Variants in TRIM9 observed in about 807,000 individuals in gnomAD.
TRIM9 encodes the protein tripartite motif containing 9, also known as E3 ubiquitin-protein ligase TRIM9.
In TRIM9, 26 loss-of-function variants were observed where a neutral mutation model predicts 78.3. That is an observed-to-expected ratio of 0.33 (90% CI 0.24 to 0.46). The LOEUF is 0.46. Among genes scored for constraint, TRIM9 ranks in the 20% least tolerant of loss-of-function variants. TRIM9 has a pLI of 1.00. For synonymous variants in TRIM9, 398 were observed against 416.5 expected (o/e 0.96, Z 0.54); for missense variants, 787 against 1,036.4 (o/e 0.76, Z 3.30).
intron 1 of TRIM9, among the ~76,000 whole-genome samples, chr14:51,038,164 T>C (rs8009664): frequency 0.12 from 17,880 of 152,130 alleles, 1,901 homozygotes; most frequent in African/African-American, 0.29. Flanking sequence ...CATGAGTCCT[T>C]AAAAGCAGAG....
intron 1 of TRIM9, among the ~76,000 whole-genome samples, chr14:51,055,055 CTCGTG>C (rs1302470248): frequency 3.3e-5 from 5 of 151,926 alleles, no homozygotes; most frequent in African/African-American, 1.2e-4. Flanking sequence ...TGATCTTGAC[CTCGTG>C]ATCCGTCCGC....
chr14:51,093,968 G>A (rs1252060454), intron 1 of TRIM9, 150 bp downstream of exon 1: 5 of 729,450 alleles, frequency 6.9e-6, no homozygotes, highest in Admixed American at 5.5e-5. Flanking sequence ...CATGCCTCCT[G>A]CAATGCACCA....
intron 1 of TRIM9, among the ~76,000 whole-genome samples, chr14:51,083,807 C>T (rs188099409): frequency 6.6e-6 from 1 of 152,256 alleles, no homozygotes; most frequent in African/African-American, 2.4e-5. Context: ...AAAATGTGAA[C>T]TTCTGACATT....
chr14:50,982,475 G>A (rs1444575110), intron 10 of TRIM9, among the ~76,000 whole-genome samples: 1 of 152,176 alleles, frequency 6.6e-6, no homozygotes, highest in East Asian at 1.9e-4. Flanking sequence ...TAACCCCTGA[G>A]GCGGGGAGGC....
At chr14:51,044,386 A>G (rs61985044) in intron 1 of TRIM9, among the ~76,000 whole-genome samples, 43,865 of 152,032 alleles carry the variant, frequency 0.29, 7,467 homozygotes, top group South Asian at 0.53. Context: ...GGCTAAAAAT[A>G]ATTTCTGAAC....
chr14:50,992,393 C>T (rs2053627691), intron 7 of TRIM9, among the ~76,000 whole-genome samples: 1 of 150,420 alleles, frequency 6.6e-6, no homozygotes. Flanking sequence ...GGCTGGGCAA[C>T]ATAGTGAGAC....
At chr14:51,053,594 AATT>A (rs1176187391) in intron 1 of TRIM9, among the ~76,000 whole-genome samples, 1 of 29,782 alleles carries the variant, frequency 3.4e-5, no homozygotes, top group African/African-American at 1.3e-4. Context: ...TTTTTTTTTT[AATT>A]TTTTTTTTTT....
intron 3 of TRIM9, among the ~76,000 whole-genome samples, chr14:51,014,815 G>T (rs1335097592): frequency 6.6e-6 from 1 of 152,134 alleles, no homozygotes; most frequent in African/African-American, 2.4e-5. Context: ...ACATTTCCGT[G>T]CTTTGGCTCT....
Position 51,094,390 on chromosome 14 carries a change from G to C in TRIM9, c.550C>G (p.Gln184Glu). The C allele has an allele frequency of 6.2e-7, 1 of 1,613,918 alleles. No homozygotes were observed. The highest frequency in any genetic ancestry group is 8.5e-7 in the Non-Finnish European group (1 of 1,180,002). Reference protein sequence around the residue: ...APKEATVMCEQCDVFYCDPCR... With the variant: ...APKEATVMCEECDVFYCDPCR... Reference sequence around the variant, plus strand: ...GGATCGCAGTAGAAGACATCGCACTGTTCGCACATGACGGTGGCTTCCTTG... The same window carrying C: ...GGATCGCAGTAGAAGACATCGCACTCTTCGCACATGACGGTGGCTTCCTTG... The change falls in exon 1 of 13, where the codon CAG (glutamine) becomes GAG (glutamate). Residue 184 changes from glutamine (Q) to glutamate (E), a missense_variant. This residue lies in a region of TRIM9 where 352 missense variants were observed against 472.3 expected (regional missense o/e 0.75). Coordinates refer to ENST00000684578, the MANE Select transcript of TRIM9 (RefSeq NM_001387360.1).
At chr14:51,078,764 G>A (rs993114752) in intron 1 of TRIM9, among the ~76,000 whole-genome samples, 1 of 152,160 alleles carries the variant, frequency 6.6e-6, no homozygotes, top group African/African-American at 2.4e-5. Flanking sequence ...TGAAGGAGAT[G>A]TAAGTCCAAT....
chr14:51,000,169 G>A (rs17802296), intron 6 of TRIM9, among the ~76,000 whole-genome samples: 30,222 of 152,160 alleles, frequency 0.2, 3,366 homozygotes, highest in Non-Finnish European at 0.26. Flanking sequence ...AGAAGCTGTG[G>A]ATTGCAGAAA....
intron 11 of TRIM9, 24 bp from the exon 12 acceptor site, chr14:50,979,573 G>A: frequency 6.2e-7 from 1 of 1,601,748 alleles, no homozygotes; most frequent in African/African-American, 1.3e-5. Context: ...GAAAAATTGG[G>A]GTTCATTTCC....
intron 1 of TRIM9, among the ~76,000 whole-genome samples, chr14:51,072,222 C>T (rs1395347206): frequency 6.6e-6 from 1 of 151,858 alleles, no homozygotes; most frequent in African/African-American, 2.4e-5. Context: ...GGAAACTTAA[C>T]TCTCTCTCCT....
At chr14:51,009,258 C>T (rs771289585) in intron 4 of TRIM9, 25 bp from the exon 5 acceptor site, 3 of 1,612,894 alleles carry the variant, frequency 1.9e-6, no homozygotes, top group Non-Finnish European at 1.7e-6. Context: ...AGGACCACAG[C>T]CTAAGAAATA....
At chr14:51,054,580 C>T (rs2060733284) in intron 1 of TRIM9, among the ~76,000 whole-genome samples, 1 of 151,690 alleles carries the variant, frequency 6.6e-6, no homozygotes, top group Non-Finnish European at 1.5e-5. Flanking sequence ...CCGGCCAATG[C>T]TCTTTTTTGT....
At chr14:51,001,476 G>A (rs900622097) in intron 5 of TRIM9, among the ~76,000 whole-genome samples, 2 of 151,644 alleles carry the variant, frequency 1.3e-5, no homozygotes, top group Non-Finnish European at 2.9e-5. Flanking sequence ...TGATCCGCCC[G>A]CCTCTGCCTC....
chr14:51,003,054 A>G (rs1486208005), intron 5 of TRIM9, among the ~76,000 whole-genome samples: 4 of 152,212 alleles, frequency 2.6e-5, no homozygotes, highest in Non-Finnish European at 5.9e-5. Context: ...ACTGGTTGGA[A>G]AGAGAAGGAC....
At chr14:51,093,748 C>G (rs1205197921) in intron 1 of TRIM9, among the ~76,000 whole-genome samples, 1 of 152,254 alleles carries the variant, frequency 6.6e-6, no homozygotes, top group African/African-American at 2.4e-5. Flanking sequence ...TCGAGCGTGC[C>G]TAGCGGCCCT....
intron 1 of TRIM9, among the ~76,000 whole-genome samples, chr14:51,069,841 C>G (rs978283504): frequency 1.3e-5 from 2 of 152,170 alleles, no homozygotes; most frequent in African/African-American, 4.8e-5. Context: ...TCTTATCTTT[C>G]TCAAGGTGGA....
Sources: gnomAD v4.1 joint callset for allele counts (sites outside exome capture counted in the v4.1 genomes callset) on GRCh38, gnomAD v4.1.1 for gene constraint, gnomAD v4.1.1 regional missense constraint, MANE v1.5 for transcripts, NCBI Gene and HGNC (gene_info 2026-07-23, HGNC 2026-07-21) for gene names.